DHRS7B: variants seen among roughly 807,000 people sequenced by gnomAD.
DHRS7B encodes dehydrogenase/reductase 7B, also known as peroxisomal reductase activating PPAR-gamma.
In DHRS7B, 24 loss-of-function variants were observed where a neutral mutation model predicts 26.4. The observed-to-expected ratio is 0.91, with a 90% confidence interval of 0.66 to 1.28. The LOEUF is 1.28. Ranked by LOEUF, DHRS7B falls within the 50% of genes most tolerant of loss-of-function variation. The probability of loss-of-function intolerance (pLI) is 0.00; values close to 1 mark genes in which losing one functional copy is unlikely to be tolerated. For missense variants in DHRS7B, 368 were observed against 419.4 expected, an observed-to-expected ratio of 0.88 and a Z score of 1.07; for synonymous variants, 142 against 166.4, an observed-to-expected ratio of 0.85 and a Z score of 1.13.
At chr17:21,187,760 A>G (rs1318015062) in intron 5 of DHRS7B, among the ~76,000 whole-genome samples, 1 of 151,588 alleles carries the variant, frequency 6.6e-6, no homozygotes, top group Admixed American at 6.6e-5. Flanking sequence ...CTTTTTTTGT[A>G]CTTTCTGTCC....
intron 1 of DHRS7B, among the ~76,000 whole-genome samples, chr17:21,166,918 C>T (rs1342481025): frequency 6.6e-6 from 1 of 151,994 alleles, no homozygotes; most frequent in South Asian, 2.1e-4. Flanking sequence ...TTTGAGATCC[C>T]CTCCTTTGAT....
At chr17:21,180,365 G>T (rs1031023349) in intron 3 of DHRS7B, among the ~76,000 whole-genome samples, 1 of 152,052 alleles carries the variant, frequency 6.6e-6, no homozygotes, top group Non-Finnish European at 1.5e-5. Flanking sequence ...TAGCCACCAC[G>T]CCTGGCCAAG....
intron 1 of DHRS7B, chr17:21,166,100 G>A (rs973117011): frequency 2.1e-6 from 2 of 969,628 alleles, no homozygotes; most frequent in South Asian, 4.8e-5. Flanking sequence ...TACAGGGCCC[G>A]GGGCTGGGCT....
At chr17:21,157,634 C>T (rs887607942) in intron 1 of DHRS7B, among the ~76,000 whole-genome samples, 11 of 152,148 alleles carry the variant, frequency 7.2e-5, no homozygotes, top group Non-Finnish European at 1.3e-4. Context: ...GTTGAGGGTG[C>T]AGTGAGTTGT....
intron 1 of DHRS7B, among the ~76,000 whole-genome samples, chr17:21,160,958 C>T (rs967818084): frequency 7.2e-5 from 11 of 152,052 alleles, no homozygotes; most frequent in Non-Finnish European, 1.6e-4. Flanking sequence ...GTAGTCAATC[C>T]GGAAAGGCTA....
intron 1 of DHRS7B, among the ~76,000 whole-genome samples, chr17:21,163,173 G>A (rs1003051393): frequency 2.0e-5 from 3 of 148,676 alleles, no homozygotes; most frequent in Non-Finnish European, 1.5e-5. Context: ...TACAGCCTGG[G>A]TGACAGAGCA....
chr17:21,150,563 G>T (rs1390632895), intron 1 of DHRS7B, among the ~76,000 whole-genome samples: 1 of 152,160 alleles, frequency 6.6e-6, no homozygotes, highest in Non-Finnish European at 1.5e-5. Flanking sequence ...GTTGCAATGA[G>T]CCGAGATTGC....
chr17:21,128,817 C>T (rs2143832066), intron 1 of DHRS7B: 2 of 150,972 alleles, frequency 1.3e-5, no homozygotes, highest in Non-Finnish European at 2.9e-5. Context: ...TTGCAGTGAG[C>T]CGAGATGCCG....
chr17:21,187,910 G>A (rs1457590764), intron 5 of DHRS7B, among the ~76,000 whole-genome samples: 1 of 151,470 alleles, frequency 6.6e-6, no homozygotes, highest in African/African-American at 2.4e-5. Context: ...GTGCAGTGGC[G>A]CGATCTCCGC....
chr17:21,172,273 A>T, intron 2 of DHRS7B, 77 bp downstream of exon 2: 2 of 1,520,344 alleles, frequency 1.3e-6, no homozygotes. Flanking sequence ...CTGCACAGGG[A>T]CCACCAGCGC....
At chr17:21,153,201 A>G (rs1390258245) in intron 1 of DHRS7B, among the ~76,000 whole-genome samples, 1 of 152,228 alleles carries the variant, frequency 6.6e-6, no homozygotes, top group East Asian at 1.9e-4. Context: ...AAGATGAAAA[A>G]TCTAAGAAGA....
intron 1 of DHRS7B, among the ~76,000 whole-genome samples, chr17:21,149,964 T>C (rs1394351346): frequency 6.6e-6 from 1 of 152,028 alleles, no homozygotes; most frequent in Admixed American, 6.6e-5. Context: ...TTAAATAGCA[T>C]AGAATTTTCT....
chr17:21,181,801 C>A (rs533753254), intron 3 of DHRS7B, among the ~76,000 whole-genome samples: 1 of 152,246 alleles, frequency 6.6e-6, no homozygotes, highest in Non-Finnish European at 1.5e-5. Flanking sequence ...TGCTCTTGTA[C>A]CTTGCCACTT....
At chr17:21,158,964 A>ATTT in intron 1 of DHRS7B, among the ~76,000 whole-genome samples, 1 of 152,264 alleles carries the variant, frequency 6.6e-6, no homozygotes, top group Non-Finnish European at 1.5e-5. Flanking sequence ...ATGCAAAAAA[A>ATTT]AAAAAAAAAT....
chr17:21,160,483 A>C (rs1346489504), intron 1 of DHRS7B, among the ~76,000 whole-genome samples: 2 of 152,270 alleles, frequency 1.3e-5, no homozygotes, highest in African/African-American at 2.4e-5. Context: ...GATGCTCTGC[A>C]TCATATTTCA....
At chr17:21,174,334 T>G (rs1974327147) in intron 2 of DHRS7B, among the ~76,000 whole-genome samples, 1 of 152,254 alleles carries the variant, frequency 6.6e-6, no homozygotes, top group African/African-American at 2.4e-5. Flanking sequence ...TGTAGAATAG[T>G]GTGGGACCAC....
chr17:21,177,417 C>T (rs1013088084), intron 2 of DHRS7B, among the ~76,000 whole-genome samples: 1 of 152,166 alleles, frequency 6.6e-6, no homozygotes, highest in Admixed American at 6.5e-5. Context: ...ATATAGAGCA[C>T]GTGTCTGACT....
intron 1 of DHRS7B, among the ~76,000 whole-genome samples, chr17:21,148,624 G>T (rs903298159): frequency 1.3e-5 from 2 of 151,966 alleles, no homozygotes; most frequent in African/African-American, 4.8e-5. Context: ...TGTGCACCTG[G>T]AATCCCAGCT....
chr17:21,179,762 C>CTT (rs55928399), intron 3 of DHRS7B, among the ~76,000 whole-genome samples: 1 of 137,602 alleles, frequency 7.3e-6, no homozygotes. Context: ...TTTTCACTTT[C>CTT]TTTTTTTTTT....
Sources: allele counts gnomAD v4.1 joint callset (sites outside exome capture counted in the v4.1 genomes callset), GRCh38; gene constraint gnomAD v4.1.1; transcripts MANE v1.5; gene names NCBI Gene and HGNC (gene_info 2026-07-23, HGNC 2026-07-21).